RPH3A: variants seen among roughly 807,000 people sequenced by gnomAD.
The protein encoded by RPH3A is rabphilin-3A.
A neutral mutation model predicts 102.2 loss-of-function variants in RPH3A; 48 were observed. The observed-to-expected ratio is 0.47, with a 90% CI of 0.37 to 0.60. The LOEUF (loss-of-function observed/expected upper bound fraction) is 0.60, where lower values mean the gene tolerates loss of function less well. RPH3A is among the 20% of genes least tolerant of loss of function. The pLI is 0.00. For synonymous variants in RPH3A, 310 were observed against 324.3 expected, an observed-to-expected ratio of 0.96 and a Z score of 0.47; for missense variants, 781 against 910.1, an observed-to-expected ratio of 0.86 and a Z score of 1.83.
In RPH3A at chr12:112,897,526, A is replaced by T. The variant is rs2136279166; in HGVS notation, c.*746A>T. The T allele has an allele frequency of 6.6e-6, 1 of 152,012 alleles. No homozygotes were observed. The highest frequency in any genetic ancestry group is 2.1e-4 in the South Asian group (1 of 4,790). 9.4% of individuals were successfully genotyped at this position (152,012 alleles called of 1,614,324 possible). A position where few individuals can be genotyped will look rare whatever the true frequency, so the allele number is the denominator to read the frequency against. On this transcript the variant is annotated 3_prime_UTR_variant, in exon 22 of 22. Transcript: ENST00000389385. ...TCTTCTTTCCCTTCCATGATAGTAG[A>T]TTCTCTCTTTCTCAGCCTCTCCCCT...
At position 112,697,030 on chromosome 12, in the gene RPH3A, A is replaced by G. The variant is rs183188531; in HGVS notation, c.-139-95113A>G. ...CACCTAAGAAAAATCTACAAGTAATATCATACTTAATAACTGACTACTGAA... is the reference window on the plus strand; with the variant it reads ...CACCTAAGAAAAATCTACAAGTAATGTCATACTTAATAACTGACTACTGAA... On this transcript the variant is annotated intron_variant, in intron 1 of 21. Coordinates refer to the RPH3A transcript ENST00000543106. Among the ~76,000 whole-genome samples the G allele has an allele frequency of 1.7e-3, 266 of 152,282 alleles. 2 individuals are homozygous for G. Among genetic ancestry groups the G allele is most frequent in the Non-Finnish European group, 3.0e-3 (206 of 68,022 alleles).
intron 1 of RPH3A, among the ~76,000 whole-genome samples, chr12:112,713,033 TCTTCTTCTTCTTCTTCTC>T (rs1461280141): frequency 0.015 from 1,190 of 81,464 alleles, 85 homozygotes; most frequent in African/African-American, 0.059. Context: ...CTCTTCTTCT[TCTTCTTCTTCTTCTTCTC>T]CTTCTTCTTC....
At chr12:112,634,549 CAAA>C (rs59376255) in intron 1 of RPH3A, among the ~76,000 whole-genome samples, 3 of 103,924 alleles carry the variant, frequency 2.9e-5, no homozygotes, top group Non-Finnish European at 3.9e-5. Flanking sequence ...GAGCAAGACT[CAAA>C]AAAAAAAAAA....
At chr12:112,578,206 C>A in intron 1 of RPH3A, among the ~76,000 whole-genome samples, 1 of 152,276 alleles carries the variant, frequency 6.6e-6, no homozygotes, top group East Asian at 1.9e-4. Context: ...AACAGTGCAG[C>A]TTTTTATTAT....
chr12:112,603,147 C>G (rs763567478), intron 1 of RPH3A, among the ~76,000 whole-genome samples: 1 of 152,160 alleles, frequency 6.6e-6, no homozygotes, highest in East Asian at 1.9e-4. Flanking sequence ...TCCTTTCCCC[C>G]AGGTGTAGGG....
At chr12:112,875,796 C>T (rs1170202015) in intron 12 of RPH3A, 55 bp downstream of exon 12, 1 of 1,515,594 alleles carries the variant, frequency 6.6e-7, no homozygotes, top group African/African-American at 1.4e-5. Flanking sequence ...CCCCTACCTC[C>T]CTGAGAGAGA....
intron 1 of RPH3A, among the ~76,000 whole-genome samples, chr12:112,614,813 C>T (rs903476775): frequency 9.4e-5 from 14 of 149,304 alleles, no homozygotes; most frequent in African/African-American, 3.5e-4. Flanking sequence ...GAGTTGGAGT[C>T]TTGCTTTGTC....
chr12:112,597,173 G>C (rs1474937963), intron 1 of RPH3A, among the ~76,000 whole-genome samples: 1 of 152,134 alleles, frequency 6.6e-6, no homozygotes, highest in Non-Finnish European at 1.5e-5. Flanking sequence ...GAGGAGGAGA[G>C]GGAACTGTGA....
chr12:112,757,485 G>T (rs2040829181), intron 1 of RPH3A, among the ~76,000 whole-genome samples: 1 of 152,068 alleles, frequency 6.6e-6, no homozygotes, highest in African/African-American at 2.4e-5. Flanking sequence ...CCAACACAAA[G>T]AAATGATAAA....
intron 11 of RPH3A, among the ~76,000 whole-genome samples, 162 bp downstream of exon 11, chr12:112,875,332 GC>G: frequency 6.6e-6 from 1 of 152,224 alleles, no homozygotes; most frequent in Non-Finnish European, 1.5e-5. Context: ...AATTCCCTGG[GC>G]CAAGAAGCTG....
chr12:112,888,137 C>T (rs1156247917), intron 17 of RPH3A, among the ~76,000 whole-genome samples: 2 of 152,268 alleles, frequency 1.3e-5, no homozygotes, highest in Non-Finnish European at 2.9e-5. Context: ...TCACTTCGAA[C>T]ATGAGTTCTT....
At chr12:112,621,231 C>T (rs931676453) in intron 1 of RPH3A, among the ~76,000 whole-genome samples, 3 of 152,022 alleles carry the variant, frequency 2.0e-5, no homozygotes, top group African/African-American at 7.2e-5. Context: ...GGAACAGCTC[C>T]GGTCTACAGC....
chr12:112,703,358 C>T (rs953638677), intron 1 of RPH3A, among the ~76,000 whole-genome samples: 2 of 152,176 alleles, frequency 1.3e-5, no homozygotes, highest in Non-Finnish European at 2.9e-5. Flanking sequence ...CACCATTCTT[C>T]CAGCTGAGCA....
chr12:112,811,043 C>T (rs548975813), intron 2 of RPH3A, among the ~76,000 whole-genome samples: 1 of 152,150 alleles, frequency 6.6e-6, no homozygotes, highest in Admixed American at 6.5e-5. Flanking sequence ...TAGTTATGTT[C>T]TGCAAAGTTG....
chr12:112,621,427 G>A (rs1480114373), intron 1 of RPH3A, among the ~76,000 whole-genome samples: 1 of 149,026 alleles, frequency 6.7e-6, no homozygotes, highest in African/African-American at 2.5e-5. Context: ...TTCCCTTTCC[G>A]AGTCAAAGAA....
intron 2 of RPH3A, among the ~76,000 whole-genome samples, chr12:112,816,439 G>A (rs1245836365): frequency 6.6e-6 from 1 of 152,176 alleles, no homozygotes; most frequent in Non-Finnish European, 1.5e-5. Context: ...AGATAACAGG[G>A]GATGTCTTCA....
rs7960230 is a variant in RPH3A at position 112,686,550 on chromosome 12, G to A, written c.-139-105593G>A. On this transcript the variant is annotated intron_variant, in intron 1 of 21. Coordinates refer to the RPH3A transcript ENST00000543106. ...CCACCATATGAATCAGCCTGGGCTA[G>A]CCTGCTGGAGGATGAGAGGCACATG... 3.9e-3 allele frequency among the ~76,000 whole-genome samples: 596 copies of A among 152,302 alleles called. 8 individuals are homozygous for A. Among genetic ancestry groups the A allele is most frequent in the African/African-American group, 0.014 (576 of 41,562 alleles).
At chr12:112,644,688 G>T (rs919444896) in intron 1 of RPH3A, among the ~76,000 whole-genome samples, 2 of 152,138 alleles carry the variant, frequency 1.3e-5, no homozygotes, top group African/African-American at 4.8e-5. Context: ...CTCCACCAAA[G>T]ATCCTCAAAT....
chr12:112,856,486 G>A (rs1227097897), intron 5 of RPH3A, among the ~76,000 whole-genome samples: 1 of 9,830 alleles, frequency 1.0e-4, no homozygotes, highest in Non-Finnish European at 1.8e-4. Context: ...ACATGTGCAT[G>A]TGTGTGTGTG....
Sources: allele counts gnomAD v4.1 joint callset (sites outside exome capture counted in the v4.1 genomes callset), GRCh38; gene constraint gnomAD v4.1.1; transcripts MANE v1.5; gene names NCBI Gene and HGNC (gene_info 2026-07-23, HGNC 2026-07-21).